SPON1: variants seen among roughly 807,000 people sequenced by gnomAD.
The protein encoded by SPON1 is spondin 1.
Under a neutral mutation model 111.7 loss-of-function variants are expected in SPON1, and 52 were observed. That is an observed-to-expected ratio of 0.47 (90% CI 0.37 to 0.59). SPON1 has a LOEUF of 0.59. Ranked by LOEUF, SPON1 falls within the 20% of genes least tolerant of loss-of-function variation. The pLI is 0.00. For synonymous variants in SPON1, 410 were observed against 395.8 expected (o/e 1.04, Z -0.43); for missense variants, 957 against 1,068.5 (o/e 0.90, Z 1.46).
chr11:14,053,680 C>A (rs1554918857), intron 3 of SPON1, among the ~76,000 whole-genome samples: 1 of 152,148 alleles, frequency 6.6e-6, no homozygotes, highest in Non-Finnish European at 1.5e-5. Flanking sequence ...CATGTTGCCT[C>A]ACACCTAAGT....
At chr11:14,119,612 T>G (rs1849290216) in intron 5 of SPON1, among the ~76,000 whole-genome samples, 1 of 152,094 alleles carries the variant, frequency 6.6e-6, no homozygotes, top group South Asian at 2.1e-4. Context: ...GTGGCTGAAA[T>G]TGGAGGTGGA....
At chr11:14,143,450 C>A (rs782756962) in intron 6 of SPON1, among the ~76,000 whole-genome samples, 6 of 151,886 alleles carry the variant, frequency 4.0e-5, no homozygotes, top group Admixed American at 1.3e-4. Context: ...GTAGTCCCAG[C>A]AGTTGGGGGA....
intron 2 of SPON1, among the ~76,000 whole-genome samples, chr11:14,001,044 T>C (rs1020337287): frequency 1.3e-5 from 2 of 151,924 alleles, no homozygotes; most frequent in Non-Finnish European, 2.9e-5. Flanking sequence ...AAACTGAAAA[T>C]CAACAACTCT....
intron 6 of SPON1, among the ~76,000 whole-genome samples, chr11:14,174,505 T>G (rs1463875337): frequency 6.6e-6 from 1 of 152,164 alleles, no homozygotes; most frequent in Non-Finnish European, 1.5e-5. Flanking sequence ...GGGATTTATC[T>G]GCTTTTAATT....
At chr11:14,160,905 TTATA>T (rs1233205768) in intron 6 of SPON1, among the ~76,000 whole-genome samples, 5 of 33,758 alleles carry the variant, frequency 1.5e-4, no homozygotes, top group African/African-American at 2.3e-4. Flanking sequence ...ATTTATATAT[TTATA>T]TATATATTTA....
At chr11:14,173,278 A>G (rs1166325354) in intron 6 of SPON1, among the ~76,000 whole-genome samples, 2 of 152,010 alleles carry the variant, frequency 1.3e-5, no homozygotes, top group Non-Finnish European at 2.9e-5. Flanking sequence ...CTTCCAGTTG[A>G]TTGCATTGGC....
intron 6 of SPON1, among the ~76,000 whole-genome samples, chr11:14,208,775 G>T (rs1848542469): frequency 6.6e-6 from 1 of 152,020 alleles, no homozygotes; most frequent in South Asian, 2.1e-4. Flanking sequence ...TAACCAAATT[G>T]TCATGTATAA....
intron 3 of SPON1, among the ~76,000 whole-genome samples, chr11:14,054,968 T>C (rs1848734318): frequency 6.6e-6 from 1 of 152,218 alleles, no homozygotes; most frequent in Non-Finnish European, 1.5e-5. Context: ...TCGGGCCCAC[T>C]GTTCCAGTCC....
intron 3 of SPON1, among the ~76,000 whole-genome samples, chr11:14,062,010 G>A (rs1424855985): frequency 6.6e-6 from 1 of 152,196 alleles, no homozygotes; most frequent in Non-Finnish European, 1.5e-5. Flanking sequence ...GGGAGAGCTT[G>A]GCTAGTTACA....
rs782702923 is a variant in SPON1, at chr11:14,255,787, G to A, written c.1233G>A (p.Lys411=). Residue 411 remains lysine, a splice_region_variant and synonymous_variant, in exon 9 of 16, where the codon AAG becomes AAA. Coordinates refer to ENST00000576479, the MANE Select transcript of SPON1 (RefSeq NM_006108.4). The part of the protein sequence containing the change: ...ARVVIERIAR[K]GEQCNIVPDN... The stretch of plus-strand genomic sequence containing the variant: ...TTGTCATCGAGAGAATCGCACGGAA[G>A]GTACTGGGTTAGAACCCACTCTGGC... 1 of 1,613,800 alleles carries A rather than the reference G, an allele frequency of 6.2e-7. No homozygotes were observed. The highest frequency in any genetic ancestry group is 1.1e-5 in the South Asian group (1 of 91,032).
chr11:14,005,174 G>T (rs1554912963), intron 2 of SPON1, among the ~76,000 whole-genome samples: 1 of 152,140 alleles, frequency 6.6e-6, no homozygotes, highest in African/African-American at 2.4e-5. Flanking sequence ...GAGGTTTTCT[G>T]CTATTTTCTC....
chr11:14,240,453 C>T (rs1278651405), intron 6 of SPON1, among the ~76,000 whole-genome samples: 1 of 152,240 alleles, frequency 6.6e-6, no homozygotes, highest in African/African-American at 2.4e-5. Context: ...CATGCCCACA[C>T]ATATGGTCCC....
intron 15 of SPON1, among the ~76,000 whole-genome samples, chr11:14,265,073 T>C (rs1216065523): frequency 6.6e-6 from 1 of 152,196 alleles, no homozygotes; most frequent in Non-Finnish European, 1.5e-5. Flanking sequence ...GACTCATTCA[T>C]GTGGCTACTA....
intron 3 of SPON1, among the ~76,000 whole-genome samples, chr11:14,055,490 A>G (rs1848738434): frequency 6.6e-6 from 1 of 152,230 alleles, no homozygotes. Flanking sequence ...TTTGTAGATT[A>G]TGAGATCAGA....
chr11:14,037,128 T>C (rs1215771399), intron 2 of SPON1, among the ~76,000 whole-genome samples: 2 of 152,136 alleles, frequency 1.3e-5, no homozygotes, highest in East Asian at 1.9e-4. Flanking sequence ...ATTATTATTA[T>C]ACTTTAAGTT....
chr11:14,163,783 G>A lies in SPON1; in HGVS notation c.825+28215G>A, dbSNP rs532147292. 7.9e-5 allele frequency among the ~76,000 whole-genome samples: 12 copies of A among 152,280 alleles called. No homozygotes were observed. In the South Asian group the frequency reaches 2.1e-3, roughly 26 times the overall value. The stretch of plus-strand genomic sequence containing the variant: ...GCCCGTGCTGTGGTGGGAACCAAAT[G>A]CTCCCATGGACTGCTGTCCTCCATA... On this transcript the variant is annotated intron_variant, in intron 6 of 15. Transcript: ENST00000576479.
chr11:13,966,872 T>A (rs1848021733), intron 1 of SPON1, among the ~76,000 whole-genome samples: 1 of 152,208 alleles, frequency 6.6e-6, no homozygotes. Flanking sequence ...TTCCCAGCAT[T>A]CCTGTGAGAA....
At chr11:14,229,111 T>C (rs1848768721) in intron 6 of SPON1, among the ~76,000 whole-genome samples, 1 of 152,216 alleles carries the variant, frequency 6.6e-6, no homozygotes. Context: ...AATACTTCTT[T>C]GGGTGGCAGT....
chr11:14,263,053 T>TAAA (rs34480564), intron 15 of SPON1, 78 bp downstream of exon 15: 452 of 951,492 alleles, frequency 4.8e-4, no homozygotes, highest in South Asian at 8.8e-4. Flanking sequence ...TGGACCTGTT[T>TAAA]AAAAAAAAAA....
Sources: gnomAD v4.1 joint callset for allele counts (sites outside exome capture counted in the v4.1 genomes callset) on GRCh38, gnomAD v4.1.1 for gene constraint, MANE v1.5 for transcripts, NCBI Gene and HGNC (gene_info 2026-07-23, HGNC 2026-07-21) for gene names.